CCDC43: variants seen among roughly 807,000 people sequenced by gnomAD.
CCDC43 encodes coiled-coil domain containing 43.
A neutral mutation model predicts 33.3 loss-of-function variants in CCDC43; 20 were observed. That is an observed-to-expected ratio of 0.60 (90% CI 0.42 to 0.87). The LOEUF is 0.87. CCDC43 is among the 40% of genes least tolerant of loss of function. CCDC43 has a pLI of 0.00. For synonymous variants in CCDC43, 104 were observed against 106.5 expected, an observed-to-expected ratio of 0.98 and a Z score of 0.14; for missense variants, 248 against 269.9, an observed-to-expected ratio of 0.92 and a Z score of 0.57.
intron 1 of CCDC43, 149 bp downstream of exon 1, chr17:44,689,401 C>G: frequency 8.3e-7 from 1 of 1,206,986 alleles, no homozygotes; most frequent in Non-Finnish European, 1.1e-6. Context: ...CAACCTCCTT[C>G]CCCCGCCGCC....
rs1440467902 is a variant in CCDC43 at position 44,680,626 on chromosome 17, TC to T, written c.445del (p.Asp149MetfsTer8). On this transcript the variant is annotated frameshift_variant, in exon 4 of 5. Coordinates refer to ENST00000315286, the MANE Select transcript of CCDC43 (RefSeq NM_144609.3). LOFTEE classifies it high-confidence loss of function. ...TDEEDEADEK[D>X]DSGATTMNIG... ...GTTCATTGTGGTAGCACCTGAATCATCCTTCTCATCTGCTTCAGTAAGTGAT... is the reference window on the plus strand; with the variant it reads ...GTTCATTGTGGTAGCACCTGAATCATCTTCTCATCTGCTTCAGTAAGTGAT... 1 of 1,609,066 alleles carries T rather than the reference TC, an allele frequency of 6.2e-7. No homozygotes were observed. The highest frequency in any genetic ancestry group is 8.5e-7 in the Non-Finnish European group (1 of 1,175,838).
chr17:44,686,827 C>T (rs114087876), intron 1 of CCDC43, among the ~76,000 whole-genome samples: 199 of 152,230 alleles, frequency 1.3e-3, no homozygotes, highest in African/African-American at 3.4e-3. Flanking sequence ...GCCTGGCATA[C>T]GGTAATCCAT....
chr17:44,682,184 A>T, intron 2 of CCDC43, 46 bp from the exon 3 acceptor site: 1 of 1,611,446 alleles, frequency 6.2e-7, no homozygotes, highest in Non-Finnish European at 8.5e-7. Context: ...AGAGAGAACA[A>T]GCTCACTGAA....
rs1034895079 is a variant in CCDC43, at chr17:44,689,765, G to A, written c.-12C>T. 4.9e-5 allele frequency: 75 copies of A among 1,544,962 alleles called. No homozygotes were observed. Among genetic ancestry groups the A allele is most frequent in the Non-Finnish European group, 6.4e-5 (74 of 1,148,304 alleles). On this transcript the variant is annotated 5_prime_UTR_variant, in exon 1 of 5. Transcript: ENST00000315286. ...CTGGGCGCCGCCATCTTGGGGTCAG[G>A]GTCCTGCAAGCCCCTAGGGCGCCTA...
chr17:44,681,718 A>G (rs1207123172), intron 3 of CCDC43: 2 of 370,932 alleles, frequency 5.4e-6, no homozygotes, highest in Non-Finnish European at 1.0e-5. Flanking sequence ...AATTACAGCT[A>G]TATTGTATTT....
At chr17:44,689,525 G>T (rs776396006) in intron 1 of CCDC43, 25 bp downstream of exon 1, 1 of 1,613,766 alleles carries the variant, frequency 6.2e-7, no homozygotes, top group Non-Finnish European at 8.5e-7. Flanking sequence ...GCCAGAGGCT[G>T]AAGGAATGTG....
chr17:44,679,666 G>C (rs1972127210), intron 4 of CCDC43, among the ~76,000 whole-genome samples: 1 of 152,146 alleles, frequency 6.6e-6, no homozygotes, highest in Non-Finnish European at 1.5e-5. Context: ...GACTGAGGCA[G>C]GTAGATCATG....
rs151292019 is a variant in CCDC43 at position 44,677,809 on chromosome 17, T to C, written c.*1047A>G. On this transcript the variant is annotated 3_prime_UTR_variant, in exon 5 of 5. Coordinates refer to ENST00000315286, the MANE Select transcript of CCDC43 (RefSeq NM_144609.3). ...CAACCCCTGGTATAAAATATCTACT[T>C]TGTCTTGTCAGAGAAATTGCTGTCC... The C allele has an allele frequency of 2.6e-4, 39 of 152,336 alleles. No individual in the cohort carries two copies. The highest frequency in any genetic ancestry group is 6.5e-4 in the Admixed American group (10 of 15,300). 9.4% of individuals were successfully genotyped at this position (152,336 alleles called of 1,614,324 possible). A position where few individuals can be genotyped will look rare whatever the true frequency, so the allele number is the denominator to read the frequency against.
In CCDC43 at chr17:44,678,166, T is replaced by C. The variant is rs916999062; in HGVS notation, c.*690A>G. 1.3e-5 allele frequency: 2 copies of C among 152,468 alleles called. No homozygotes were observed. Among genetic ancestry groups the C allele is most frequent in the East Asian group, 1.9e-4 (1 of 5,202 alleles). The allele number at this position is 152,468 out of a possible 1,614,324, so 9.4% of individuals were successfully genotyped here. On this transcript the variant is annotated 3_prime_UTR_variant, in exon 5 of 5. Coordinates refer to ENST00000315286, the MANE Select transcript of CCDC43 (RefSeq NM_144609.3). ...CAGCACACAAGAGGATACATGATTA[T>C]ACAAAATGAATCTAGCCAACAATGA...
chr17:44,688,297 T>C (rs953945404), intron 1 of CCDC43: 1 of 152,130 alleles, frequency 6.6e-6, no homozygotes, highest in Non-Finnish European at 1.5e-5. Context: ...ACTACAGGTA[T>C]GCGCCACCAT....
chr17:44,678,684 C>A lies in CCDC43; in HGVS notation c.*172G>T. ...ATAATAATCTGATTGCCCACCCCACCAAAACAGCACATTTTGTAATTAGAA... is the reference window on the plus strand; with the variant it reads ...ATAATAATCTGATTGCCCACCCCACAAAAACAGCACATTTTGTAATTAGAA... On this transcript the variant is annotated 3_prime_UTR_variant, in exon 5 of 5. Coordinates refer to ENST00000315286, the MANE Select transcript of CCDC43 (RefSeq NM_144609.3). 1.5e-6 allele frequency: 1 copy of A among 667,168 alleles called. No individual in the cohort carries two copies. Among genetic ancestry groups the A allele is most frequent in the Non-Finnish European group, 2.5e-6 (1 of 403,574 alleles). The allele number at this position is 667,168 out of a possible 1,614,324, so 41.3% of individuals were successfully genotyped here.
In CCDC43 at chr17:44,677,441, C is replaced by CA. The variant is rs1160016279; in HGVS notation, c.*1414dup. 1 of 151,852 alleles carries CA rather than the reference C, an allele frequency of 6.6e-6. No individual in the cohort carries two copies. The highest frequency in any genetic ancestry group is 1.5e-5 in the Non-Finnish European group (1 of 67,994). 9.4% of individuals were successfully genotyped at this position (151,852 alleles called of 1,614,324 possible). ...GCAATCAAAATAAGTCAGAAGACAG[C>CA]AATTTAAATAAGATTTATTTTTTTA... On this transcript the variant is annotated 3_prime_UTR_variant, in exon 5 of 5. Coordinates refer to ENST00000315286, the MANE Select transcript of CCDC43 (RefSeq NM_144609.3).
intron 4 of CCDC43, among the ~76,000 whole-genome samples, chr17:44,680,307 C>G (rs1972140851): frequency 6.6e-6 from 1 of 152,104 alleles, no homozygotes; most frequent in African/African-American, 2.4e-5. Context: ...TTTTAATTTT[C>G]TCCCTAATGC....
intron 2 of CCDC43, among the ~76,000 whole-genome samples, chr17:44,682,512 C>T (rs1972178042): frequency 6.6e-6 from 1 of 150,702 alleles, no homozygotes; most frequent in Non-Finnish European, 1.5e-5. Flanking sequence ...CTAAAATCAA[C>T]TTAAGCTGGT....
chr17:44,679,146 C>A lies in CCDC43; in HGVS notation c.488-103G>T, dbSNP rs372307408. ...TCTCTCCACCTGCTGAGTCCTGAAT[C>A]GTCTTTATCTATTCCTGGTTTTTTA... On this transcript the variant is annotated intron_variant, in intron 4 of 4. Coordinates refer to ENST00000315286, the MANE Select transcript of CCDC43 (RefSeq NM_144609.3). 1.6e-4 allele frequency: 128 copies of A among 785,378 alleles called. No homozygotes were observed. The African/African-American group carries it at 2.0e-3, about 13-fold the overall frequency. 48.7% of individuals were successfully genotyped at this position (785,378 alleles called of 1,614,324 possible).
In CCDC43 at chr17:44,689,725, A is replaced by ATCGCGGCCACT; in HGVS notation, c.18_28dup (p.Ile10LysfsTer5). The stretch of plus-strand genomic sequence containing the variant: ...TCCGCCATCGCCTTCGCCAGGGGCT[A>ATCGCGGCCACT]TCGCGGCCACTTCGCTGGGCGCCGC... On this transcript the variant is annotated frameshift_variant, in exon 1 of 5. Coordinates refer to ENST00000315286, the MANE Select transcript of CCDC43 (RefSeq NM_144609.3). LOFTEE classifies it high-confidence loss of function. 6.3e-7 allele frequency: 1 copy of ATCGCGGCCACT among 1,583,378 alleles called. No individual in the cohort carries two copies. The highest frequency in any genetic ancestry group is 8.6e-7 in the Non-Finnish European group (1 of 1,166,100).
rs1272846105 is a variant in CCDC43, at chr17:44,689,738, C to T, written c.16G>A (p.Glu6Lys). Reference protein sequence around the residue: MAAPSEVAAIAPGEGD... With the variant: MAAPSKVAAIAPGEGD... The stretch of plus-strand genomic sequence containing the variant: ...TCGCCAGGGGCTATCGCGGCCACTT[C>T]GCTGGGCGCCGCCATCTTGGGGTCA... Residue 6 changes from glutamate (E) to lysine (K), a missense_variant, in exon 1 of 5, where the codon GAA becomes AAA. By Grantham distance (56) the Glu-to-Lys change is moderately conservative. Coordinates refer to ENST00000315286, the MANE Select transcript of CCDC43 (RefSeq NM_144609.3). 1 of 1,561,956 alleles carries T rather than the reference C, an allele frequency of 6.4e-7. No homozygotes were observed.
chr17:44,677,824 A>G lies in CCDC43; in HGVS notation c.*1032T>C, dbSNP rs1250621119. 1 of 152,222 alleles carries G rather than the reference A, an allele frequency of 6.6e-6. No homozygotes were observed. Among genetic ancestry groups the G allele is most frequent in the Non-Finnish European group, 1.5e-5 (1 of 68,044 alleles). The allele number at this position is 152,222 out of a possible 1,614,324, so 9.4% of individuals were successfully genotyped here. A position where few individuals can be genotyped will look rare whatever the true frequency, so the allele number is the denominator to read the frequency against. On this transcript the variant is annotated 3_prime_UTR_variant, in exon 5 of 5. Coordinates refer to ENST00000315286, the MANE Select transcript of CCDC43 (RefSeq NM_144609.3). ...AATATCTACTTTGTCTTGTCAGAGA[A>G]ATTGCTGTCCTTAGGCTTCTAGACA... is the stretch of plus-strand genomic sequence containing the variant.
chr17:44,682,545 C>G (rs1459979576), intron 2 of CCDC43, among the ~76,000 whole-genome samples: 1 of 152,110 alleles, frequency 6.6e-6, no homozygotes, highest in African/African-American at 2.4e-5. Context: ...TCTGATTATG[C>G]CAGGTGGAAT....
Sources: allele counts gnomAD v4.1 joint callset (sites outside exome capture counted in the v4.1 genomes callset), GRCh38; gene constraint gnomAD v4.1.1; transcripts MANE v1.5; gene names NCBI Gene and HGNC (gene_info 2026-07-23, HGNC 2026-07-21).